Variants in CLYBL observed in about 807,000 individuals in gnomAD.
CLYBL encodes citramalyl-CoA lyase, mitochondrial.
A neutral mutation model predicts 38.9 loss-of-function variants in CLYBL; 31 were observed. The ratio of observed to expected loss-of-function variants is 0.80; its 90% CI spans 0.60 to 1.08. The LOEUF (loss-of-function observed/expected upper bound fraction) is 1.08. Among genes scored for constraint, CLYBL ranks in the 50% least tolerant of loss-of-function variants. The probability of loss-of-function intolerance (pLI) is 0.00; values close to 1 mark genes in which losing one functional copy is unlikely to be tolerated. For missense variants in CLYBL, 434 were observed against 411.6 expected, an observed-to-expected ratio of 1.05 and a Z score of -0.47; for synonymous variants, 171 against 158.6, an observed-to-expected ratio of 1.08 and a Z score of -0.59.
intron 1 of CLYBL, among the ~76,000 whole-genome samples, chr13:99,698,379 G>A (rs1045077746): frequency 6.6e-6 from 1 of 151,478 alleles, no homozygotes; most frequent in Non-Finnish European, 1.5e-5. Flanking sequence ...CAGTATTACC[G>A]TGCCTTGATG....
At chr13:99,634,473 A>G (rs1344324696) in intron 1 of CLYBL, among the ~76,000 whole-genome samples, 2 of 152,200 alleles carry the variant, frequency 1.3e-5, no homozygotes, top group Non-Finnish European at 2.9e-5. Context: ...TAAACATGTA[A>G]TAGTAATAAT....
At chr13:99,666,755 G>A (rs754369057) in intron 1 of CLYBL, among the ~76,000 whole-genome samples, 1 of 152,172 alleles carries the variant, frequency 6.6e-6, no homozygotes, top group Non-Finnish European at 1.5e-5. Flanking sequence ...ATATGGTACA[G>A]AATTTACAGT....
chr13:99,645,766 T>C (rs1566597882), intron 1 of CLYBL, among the ~76,000 whole-genome samples: 1 of 152,154 alleles, frequency 6.6e-6, no homozygotes, highest in African/African-American at 2.4e-5. Context: ...CAAATATTTT[T>C]CCCCATTCTG....
At chr13:99,679,805 T>G (rs1010249437) in intron 1 of CLYBL, among the ~76,000 whole-genome samples, 4 of 152,056 alleles carry the variant, frequency 2.6e-5, no homozygotes, top group Non-Finnish European at 4.4e-5. Context: ...ATTAATTACA[T>G]AGAAAATGCC....
chr13:99,665,868 G>A (rs576367403), intron 1 of CLYBL, among the ~76,000 whole-genome samples: 1 of 152,326 alleles, frequency 6.6e-6, no homozygotes, highest in Admixed American at 6.5e-5. Flanking sequence ...GCCGTTTGAT[G>A]GAATTCGCGC....
chr13:99,668,597 AAAG>A (rs1324496000), intron 1 of CLYBL, among the ~76,000 whole-genome samples: 2 of 128,966 alleles, frequency 1.6e-5, no homozygotes, highest in Non-Finnish European at 3.5e-5. Flanking sequence ...AAAAAAAAAA[AAAG>A]AAAAAAAGAA....
intron 2 of CLYBL, among the ~76,000 whole-genome samples, chr13:99,824,767 T>G (rs1313109968): frequency 6.6e-6 from 1 of 152,238 alleles, no homozygotes; most frequent in Non-Finnish European, 1.5e-5. Context: ...CATCTCTAAT[T>G]TCATCAAGAT....
chr13:99,872,551 C>G (rs954511029), intron 7 of CLYBL, among the ~76,000 whole-genome samples: 2 of 152,184 alleles, frequency 1.3e-5, no homozygotes, highest in Non-Finnish European at 2.9e-5. Flanking sequence ...CTGCTACAAG[C>G]CTTGTGCCAG....
intron 3 of CLYBL, 40 bp from the exon 4 acceptor site, chr13:99,862,950 AT>A (rs762123921): frequency 9.3e-6 from 11 of 1,187,366 alleles, no homozygotes; most frequent in Admixed American, 3.8e-5. Context: ...GTGATTGTAC[AT>A]TTTTTCCCCA....
intron 2 of CLYBL, among the ~76,000 whole-genome samples, chr13:99,854,592 C>A (rs1204578464): frequency 6.6e-6 from 1 of 152,130 alleles, no homozygotes; most frequent in Admixed American, 6.6e-5. Context: ...GGGACCACCT[C>A]TTCCACTGGA....
At chr13:99,723,430 A>G (rs1009042262) in intron 1 of CLYBL, among the ~76,000 whole-genome samples, 25 of 152,222 alleles carry the variant, frequency 1.6e-4, no homozygotes, top group African/African-American at 5.3e-4. Flanking sequence ...CTTTTATATT[A>G]AATGTTTACA....
intron 1 of CLYBL, among the ~76,000 whole-genome samples, chr13:99,730,665 AG>A (rs1197975433): frequency 1.3e-5 from 2 of 152,122 alleles, no homozygotes; most frequent in Non-Finnish European, 2.9e-5. Context: ...TGAAGGCCAG[AG>A]GGGACCACGC....
intron 1 of CLYBL, among the ~76,000 whole-genome samples, chr13:99,695,261 T>C (rs2047961710): frequency 6.6e-6 from 1 of 152,144 alleles, no homozygotes; most frequent in African/African-American, 2.4e-5. Context: ...AAAAGATTTC[T>C]CCATACCCCT....
At chr13:99,774,155 C>T (rs1186218816) in intron 2 of CLYBL, among the ~76,000 whole-genome samples, 1 of 152,034 alleles carries the variant, frequency 6.6e-6, no homozygotes, top group African/African-American at 2.4e-5. Flanking sequence ...ATCACGTGAG[C>T]CCGAGAGTTT....
intron 1 of CLYBL, among the ~76,000 whole-genome samples, chr13:99,640,323 C>A (rs951924167): frequency 5.9e-5 from 9 of 152,086 alleles, no homozygotes; most frequent in Non-Finnish European, 8.8e-5. Flanking sequence ...TTTTTATGTT[C>A]ATTGTCGTAA....
chr13:99,618,461 G>A (rs2046747296), intron 1 of CLYBL, among the ~76,000 whole-genome samples: 1 of 151,982 alleles, frequency 6.6e-6, no homozygotes, highest in African/African-American at 2.4e-5. Context: ...GTAGAGACGG[G>A]GTTTCACCAT....
chr13:99,654,384 C>T (rs1566600315), intron 1 of CLYBL, among the ~76,000 whole-genome samples: 1 of 152,134 alleles, frequency 6.6e-6, no homozygotes, highest in Non-Finnish European at 1.5e-5. Context: ...ACATATGGGG[C>T]AAAGAGGAGG....
At chr13:99,619,464 C>G (rs907511265) in intron 1 of CLYBL, among the ~76,000 whole-genome samples, 7 of 152,196 alleles carry the variant, frequency 4.6e-5, no homozygotes, top group Non-Finnish European at 7.3e-5. Flanking sequence ...CATAAACAGA[C>G]TAAGACAGGT....
At chr13:99,818,468 C>CAT (rs2050505795) in intron 2 of CLYBL, among the ~76,000 whole-genome samples, 1 of 151,862 alleles carries the variant, frequency 6.6e-6, no homozygotes, top group African/African-American at 2.4e-5. Flanking sequence ...CACACACACA[C>CAT]ACACACACAC....
Sources: allele counts gnomAD v4.1 joint callset (sites outside exome capture counted in the v4.1 genomes callset), GRCh38; gene constraint gnomAD v4.1.1; transcripts MANE v1.5; gene names NCBI Gene and HGNC (gene_info 2026-07-23, HGNC 2026-07-21).